Variants in GNAI1 observed in about 807,000 individuals in gnomAD.
The protein encoded by GNAI1 is G protein subunit alpha i1, also known as guanine nucleotide-binding protein G(i) subunit alpha-1.
In GNAI1, 11 loss-of-function variants were observed where a neutral mutation model predicts 38.9. The observed-to-expected ratio is 0.28, with a 90% CI of 0.18 to 0.47. The LOEUF is 0.47. Ranked by LOEUF, GNAI1 falls within the 20% of genes least tolerant of loss-of-function variation. GNAI1 has a pLI of 0.99. For synonymous variants in GNAI1, 166 were observed against 145.1 expected (o/e 1.14, Z -1.04); for missense variants, 317 against 436.9 (o/e 0.73, Z 2.45).
chr7:80,134,850 G>T lies in GNAI1; in HGVS notation c.-311G>T, dbSNP rs1338561711. ...GAGGCCGAGCTCGGCTGGGCTTGGC[G>T]AGGCTGCGGCGCGGCCACCGGCGGG... On this transcript the variant is annotated 5_prime_UTR_variant, in exon 1 of 8. Transcript: ENST00000649796. 1 of 194,886 alleles carries T rather than the reference G, an allele frequency of 5.1e-6. No homozygotes were observed. Among genetic ancestry groups the T allele is most frequent in the African/African-American group, 2.3e-5 (1 of 42,766 alleles). The allele number at this position is 194,886 out of a possible 1,614,324, so 12.1% of individuals were successfully genotyped here.
At chr7:80,162,884 T>G (rs1468220831) in intron 1 of GNAI1, among the ~76,000 whole-genome samples, 1 of 152,118 alleles carries the variant, frequency 6.6e-6, no homozygotes, top group Non-Finnish European at 1.5e-5. Flanking sequence ...AATGGAAGTG[T>G]GTGGGTAATA....
At chr7:80,185,077 T>C (rs1788366022) in intron 1 of GNAI1, among the ~76,000 whole-genome samples, 1 of 152,142 alleles carries the variant, frequency 6.6e-6, no homozygotes, top group Admixed American at 6.5e-5. Flanking sequence ...TTTCATCCCA[T>C]CCTGGATTTA....
At chr7:80,140,494 C>G (rs545175130) in intron 1 of GNAI1, among the ~76,000 whole-genome samples, 1 of 152,284 alleles carries the variant, frequency 6.6e-6, no homozygotes, top group East Asian at 1.9e-4. Context: ...ACAACAAATT[C>G]ACACAGGAAG....
chr7:80,141,819 A>C (rs1440233630), intron 1 of GNAI1, among the ~76,000 whole-genome samples: 1 of 152,206 alleles, frequency 6.6e-6, no homozygotes, highest in Non-Finnish European at 1.5e-5. Context: ...CTTAATGTCC[A>C]GGTTCATAGC....
chr7:80,215,388 T>A (rs1196274161), intron 7 of GNAI1, among the ~76,000 whole-genome samples: 1 of 152,256 alleles, frequency 6.6e-6, no homozygotes, highest in East Asian at 1.9e-4. Flanking sequence ...AAGATGCTGT[T>A]GATTGCTTTA....
intron 1 of GNAI1, among the ~76,000 whole-genome samples, chr7:80,177,164 G>A (rs1206843278): frequency 6.6e-6 from 1 of 150,632 alleles, no homozygotes; most frequent in African/African-American, 2.4e-5. Context: ...CCGAGTAGCT[G>A]GGACTACAGG....
chr7:80,136,551 GGTGGCTTTTTTCAC>G (rs1272731229), intron 1 of GNAI1, among the ~76,000 whole-genome samples: 1 of 152,036 alleles, frequency 6.6e-6, no homozygotes, highest in Admixed American at 6.6e-5. Context: ...TAAAGACCTG[GGTGGCTTTTTTCAC>G]CCTGTCGCCC....
chr7:80,191,343 A>C (rs1788476758), intron 3 of GNAI1, among the ~76,000 whole-genome samples: 1 of 152,130 alleles, frequency 6.6e-6, no homozygotes, highest in South Asian at 2.1e-4. Context: ...CTGGACAAAA[A>C]TGGAAAAAGC....
intron 7 of GNAI1, among the ~76,000 whole-genome samples, chr7:80,214,262 C>CA (rs1302133550): frequency 1.3e-5 from 2 of 152,142 alleles, no homozygotes; most frequent in African/African-American, 4.8e-5. Context: ...AGTCCTAAAT[C>CA]ACTGTATTCA....
At chr7:80,203,564 T>G in intron 4 of GNAI1, 140 bp from the exon 5 acceptor site, 2 of 579,480 alleles carry the variant, frequency 3.5e-6, no homozygotes, top group Non-Finnish European at 6.1e-6. Context: ...TAAACTGGAT[T>G]ATATCTTTAC....
intron 1 of GNAI1, among the ~76,000 whole-genome samples, chr7:80,156,042 C>CA (rs1182960135): frequency 0.099 from 6,726 of 68,022 alleles, 696 homozygotes; most frequent in African/African-American, 0.26. Flanking sequence ...GACTCTGTCT[C>CA]AAAAAAAAAA....
intron 1 of GNAI1, among the ~76,000 whole-genome samples, chr7:80,155,580 T>G (rs756469664): frequency 6.6e-6 from 1 of 152,232 alleles, no homozygotes; most frequent in Non-Finnish European, 1.5e-5. Flanking sequence ...TTCAAGACTT[T>G]GTACTCTTAG....
chr7:80,195,300 T>A (rs1788548775), intron 3 of GNAI1, among the ~76,000 whole-genome samples: 1 of 151,978 alleles, frequency 6.6e-6, no homozygotes, highest in Admixed American at 6.6e-5. Flanking sequence ...TAAAAATTTA[T>A]CTCTGCAATT....
chr7:80,153,147 C>G (rs1787757414), intron 1 of GNAI1, among the ~76,000 whole-genome samples: 1 of 152,104 alleles, frequency 6.6e-6, no homozygotes, highest in South Asian at 2.1e-4. Flanking sequence ...CTATCATTGA[C>G]AGGCCAGCCC....
chr7:80,175,517 ATTG>A (rs1788169659), intron 1 of GNAI1, among the ~76,000 whole-genome samples: 1 of 147,474 alleles, frequency 6.8e-6, no homozygotes, highest in African/African-American at 2.5e-5. Flanking sequence ...ACCTTGTATT[ATTG>A]TTCTTCACTT....
At chr7:80,195,075 A>G (rs920518674) in intron 3 of GNAI1, among the ~76,000 whole-genome samples, 6 of 151,908 alleles carry the variant, frequency 3.9e-5, no homozygotes. Context: ...TTCTATCCTC[A>G]TTTCACTTAT....
In GNAI1 at chr7:80,220,982, T is replaced by C. The variant is rs1240454461; in HGVS notation, c.*3489T>C. Reference sequence around the variant, plus strand: ...ATTTTTTACTCCTTAGATGTGAAGCTACTTAAGAGCACAGTTACCATTTTT... The same window carrying C: ...ATTTTTTACTCCTTAGATGTGAAGCCACTTAAGAGCACAGTTACCATTTTT... On this transcript the variant is annotated 3_prime_UTR_variant, in exon 8 of 8. Transcript: ENST00000649796. Among the ~76,000 whole-genome samples, 3 of 152,242 alleles carry C rather than the reference T, an allele frequency of 2.0e-5. No homozygotes were observed. Among genetic ancestry groups the C allele is most frequent in the Non-Finnish European group, 4.4e-5 (3 of 68,044 alleles).
At position 80,225,542 on chromosome 7, in the gene GNAI1, CA is replaced by C. The variant is rs1789145510; in HGVS notation, c.*8050del. Among the ~76,000 whole-genome samples the C allele has an allele frequency of 6.6e-6, 1 of 152,078 alleles. No homozygotes were observed. Among genetic ancestry groups the C allele is most frequent in the South Asian group, 2.1e-4 (1 of 4,834 alleles). Reference sequence around the variant, plus strand: ...ACACCTCCCACAGGACTGGGCTGAGCACAGTCATGCATTAAAAAAGCTTCTG... The same window carrying C: ...ACACCTCCCACAGGACTGGGCTGAGCCAGTCATGCATTAAAAAAGCTTCTG... On this transcript the variant is annotated 3_prime_UTR_variant, in exon 8 of 8. Transcript: ENST00000649796.
At chr7:80,150,449 T>C (rs1051478410) in intron 1 of GNAI1, among the ~76,000 whole-genome samples, 1 of 152,228 alleles carries the variant, frequency 6.6e-6, no homozygotes, top group East Asian at 1.9e-4. Flanking sequence ...TAAAGTGATA[T>C]GCTTTATGAC....
Sources: allele counts gnomAD v4.1 joint callset (sites outside exome capture counted in the v4.1 genomes callset), GRCh38; gene constraint gnomAD v4.1.1; transcripts MANE v1.5; gene names NCBI Gene and HGNC (gene_info 2026-07-23, HGNC 2026-07-21).